LAMA2: variants seen among roughly 807,000 people sequenced by gnomAD.
LAMA2 encodes the protein laminin subunit alpha 2, also known as laminin subunit alpha-2.
Under a neutral mutation model 364.8 loss-of-function variants are expected in LAMA2, and 269 were observed. The observed-to-expected ratio is 0.74, with a 90% CI of 0.67 to 0.82. The LOEUF (loss-of-function observed/expected upper bound fraction) is 0.82, where lower values mean the gene tolerates loss of function less well. Among genes scored for constraint, LAMA2 ranks in the 40% least tolerant of loss-of-function variants. The pLI is 0.00. For missense variants in LAMA2, 3,807 were observed against 3,873.2 expected, an observed-to-expected ratio of 0.98 and a Z score of 0.45; for synonymous variants, 1,379 against 1,370.6, an observed-to-expected ratio of 1.01 and a Z score of -0.14.
At position 129,473,364 on chromosome 6, in the gene LAMA2, T is replaced by C. The variant is rs909200560; in HGVS notation, c.7439+12T>C. 3.7e-6 allele frequency: 6 copies of C among 1,610,552 alleles called. No homozygotes were observed. In the African/African-American group the frequency reaches 8.0e-5, roughly 22 times the overall value. On this transcript the variant is annotated intron_variant, in intron 52 of 64. Transcript: ENST00000421865. ...CTGAGAAACTTGAGGTAATTTAGTT[T>C]ATATGTAAAGCTAAGGATTAAGTTT...
At chr6:129,400,307 A>T (rs6902480) in intron 37 of LAMA2, among the ~76,000 whole-genome samples, 7 of 152,186 alleles carry the variant, frequency 4.6e-5, no homozygotes, top group Non-Finnish European at 1.0e-4. Context: ...TTCAGGGGAC[A>T]CAGACATTCA....
intron 9 of LAMA2, among the ~76,000 whole-genome samples, chr6:129,173,096 C>G (rs539989168): frequency 6.6e-6 from 1 of 152,182 alleles, no homozygotes; most frequent in Admixed American, 6.5e-5. Flanking sequence ...GAGATGAACC[C>G]GGTACCTCAG....
intron 8 of LAMA2, among the ~76,000 whole-genome samples, chr6:129,160,937 T>A (rs767568445): frequency 6.6e-6 from 1 of 152,100 alleles, no homozygotes; most frequent in Non-Finnish European, 1.5e-5. Context: ...ATTTAACTTA[T>A]GGCTCAGTGC....
chr6:128,923,633 A>AG (rs1562834566), intron 1 of LAMA2, among the ~76,000 whole-genome samples: 1 of 152,118 alleles, frequency 6.6e-6, no homozygotes, highest in East Asian at 1.9e-4. Context: ...AGGAATAATA[A>AG]TTTTTTTCCC....
intron 1 of LAMA2, among the ~76,000 whole-genome samples, chr6:129,024,383 T>TC (rs1785660053): frequency 7.7e-4 from 1 of 1,306 alleles, no homozygotes; most frequent in Non-Finnish European, 7.9e-3. Context: ...CTTTTCTTTC[T>TC]TTTTTTTTTT....
At chr6:129,078,848 A>C (rs1399095171) in intron 3 of LAMA2, among the ~76,000 whole-genome samples, 2 of 152,104 alleles carry the variant, frequency 1.3e-5, no homozygotes. Context: ...CTGTCTCTAT[A>C]AATTTGATCA....
intron 58 of LAMA2, among the ~76,000 whole-genome samples, chr6:129,498,893 A>G (rs12193446): frequency 0.063 from 9,631 of 152,210 alleles, 424 homozygotes; most frequent in Non-Finnish European, 0.093. Context: ...GTTAGAAAAG[A>G]CCATTGCTTT....
chr6:129,104,577 A>G (rs1775714005), intron 4 of LAMA2, among the ~76,000 whole-genome samples: 1 of 152,202 alleles, frequency 6.6e-6, no homozygotes, highest in Non-Finnish European at 1.5e-5. Flanking sequence ...ATTAAAGGAT[A>G]TTCAAGCCCC....
intron 37 of LAMA2, among the ~76,000 whole-genome samples, chr6:129,400,071 T>A (rs997695069): frequency 2.0e-5 from 3 of 152,194 alleles, no homozygotes; most frequent in Middle Eastern, 3.2e-3. Context: ...AAATCCATGA[T>A]CAAAGTATTG....
rs1310630334 is a variant in LAMA2 at position 129,315,538 on chromosome 6, C to T, written c.3618C>T (p.Thr1206=). The change falls in exon 25 of 65, where the codon ACC becomes ACT. Residue 1206 remains threonine (T), a synonymous_variant. Transcript: ENST00000421865. ...TAGATGAGGCTCTGCAGCACACGAC[C>T]ACCAAGGGCATTGTTTTTCAACATC... The part of the protein sequence containing the change: ...PLVDEALQHT[T]TKGIVFQHPE... 1 of 1,614,188 alleles carries T rather than the reference C, an allele frequency of 6.2e-7. No individual in the cohort carries two copies.
intron 20 of LAMA2, among the ~76,000 whole-genome samples, chr6:129,294,278 A>C (rs1179555684): frequency 6.6e-6 from 1 of 152,210 alleles, no homozygotes; most frequent in Non-Finnish European, 1.5e-5. Context: ...TCAGCCTGAG[A>C]GAAGGATACT....
intron 3 of LAMA2, among the ~76,000 whole-genome samples, chr6:129,076,462 TA>T (rs1281001486): frequency 3.7e-5 from 5 of 133,602 alleles, no homozygotes; most frequent in African/African-American, 1.4e-4. Flanking sequence ...ATATATAATA[TA>T]TAATACATAT....
chr6:129,064,914 A>T (rs1789191727), intron 3 of LAMA2, among the ~76,000 whole-genome samples: 1 of 152,194 alleles, frequency 6.6e-6, no homozygotes, highest in Non-Finnish European at 1.5e-5. Flanking sequence ...TTATTTTATG[A>T]GGCCAGCCAT....
At chr6:129,296,477 G>A (rs1009826021) in intron 20 of LAMA2, among the ~76,000 whole-genome samples, 2 of 151,858 alleles carry the variant, frequency 1.3e-5, no homozygotes, top group Non-Finnish European at 2.9e-5. Context: ...GAGAATGATC[G>A]TCAAACTCAG....
chr6:129,335,291 C>T (rs191804647), intron 29 of LAMA2, among the ~76,000 whole-genome samples: 17 of 151,824 alleles, frequency 1.1e-4, no homozygotes, highest in Admixed American at 3.3e-4. Context: ...AATACTGAGT[C>T]CAAGGGGATA....
chr6:129,146,921 C>T (rs1583133062), intron 5 of LAMA2, 38 bp from the exon 6 acceptor site: 3 of 1,265,204 alleles, frequency 2.4e-6, no homozygotes, highest in Non-Finnish European at 3.5e-6. Flanking sequence ...ACCTTGCAGT[C>T]ATCTTAACAG....
At chr6:129,073,822 T>C (rs562839222) in intron 3 of LAMA2, among the ~76,000 whole-genome samples, 22 of 152,342 alleles carry the variant, frequency 1.4e-4, no homozygotes, top group African/African-American at 4.8e-4. Context: ...AACTCTGACG[T>C]TGGAAACAAC....
intron 3 of LAMA2, among the ~76,000 whole-genome samples, chr6:129,083,683 T>C (rs1044011664): frequency 1.3e-5 from 2 of 152,220 alleles, no homozygotes; most frequent in Non-Finnish European, 2.9e-5. Flanking sequence ...CTGTGTTTGT[T>C]AAAAGTTTCA....
rs567385461 is a variant in LAMA2 at position 129,453,097 on chromosome 6, A to T, written c.6539A>T (p.Asp2180Val). The T allele has an allele frequency of 8.1e-5, 131 of 1,613,030 alleles. No individual in the cohort carries two copies. The Admixed American group carries it at 2.2e-3, about 27-fold the overall frequency. Reference sequence around the variant, plus strand: ...GTCAACGTAAAGACAGCTGTTGCTGATAACCTCCTCTTTTATCTTGGAAGT... The same window carrying T: ...GTCAACGTAAAGACAGCTGTTGCTGTTAACCTCCTCTTTTATCTTGGAAGT... ...IVVNVKTAVA[D>V]NLLFYLGSAK... The change falls in exon 46 of 65, where the codon GAT (aspartate) becomes GTT (valine). Residue 2180 changes from aspartate (D) to valine (V), a missense_variant. Asp to Val is a radical substitution (Grantham distance 152). Around this residue, in one of 3 missense-constraint regions of LAMA2, gnomAD observed 3,333 missense variants for 3,345.7 expected, o/e 1.00. Coordinates refer to ENST00000421865, the MANE Select transcript of LAMA2 (RefSeq NM_000426.4).
Sources: allele counts gnomAD v4.1 joint callset (sites outside exome capture counted in the v4.1 genomes callset), GRCh38; gene constraint gnomAD v4.1.1; regional missense constraint gnomAD v4.1.1; transcripts MANE v1.5; gene names NCBI Gene and HGNC (gene_info 2026-07-23, HGNC 2026-07-21).